Variants in SPOCK3 observed in about 807,000 individuals in gnomAD.
SPOCK3 encodes the protein SPARC (osteonectin), cwcv and kazal like domains proteoglycan 3, also known as testican-3.
A neutral mutation model predicts 56.6 loss-of-function variants in SPOCK3; 30 were observed. The observed-to-expected ratio is 0.53, with a 90% CI of 0.40 to 0.72. SPOCK3 has a LOEUF of 0.72. Ranked by LOEUF, SPOCK3 falls within the 30% of genes least tolerant of loss-of-function variation. SPOCK3 has a pLI of 0.00. For synonymous variants in SPOCK3, 196 were observed against 183.3 expected (o/e 1.07, Z -0.56); for missense variants, 527 against 530.0 (o/e 0.99, Z 0.06).
At chr4:166,767,914 TG>T (rs1257831831) in intron 7 of SPOCK3, among the ~76,000 whole-genome samples, 2 of 152,346 alleles carry the variant, frequency 1.3e-5, no homozygotes, top group African/African-American at 4.8e-5. Context: ...TAGCTCTTTT[TG>T]TTGAATTGAT....
chr4:167,148,696 A>T (rs1233366405), intron 2 of SPOCK3, among the ~76,000 whole-genome samples: 1 of 152,150 alleles, frequency 6.6e-6, no homozygotes, highest in African/African-American at 2.4e-5. Context: ...CCTTAGGGAC[A>T]TATGCAATTT....
intron 6 of SPOCK3, among the ~76,000 whole-genome samples, chr4:166,827,244 G>C (rs1745573376): frequency 6.6e-6 from 1 of 151,996 alleles, no homozygotes; most frequent in Non-Finnish European, 1.5e-5. Context: ...AGTTTTCCTT[G>C]AATACTCAAT....
chr4:167,071,764 T>C (rs536082355), intron 2 of SPOCK3, among the ~76,000 whole-genome samples: 181 of 152,158 alleles, frequency 1.2e-3, no homozygotes, highest in African/African-American at 4.3e-3. Flanking sequence ...GGTCAAATGG[T>C]ATTTCTAGTT....
intron 2 of SPOCK3, among the ~76,000 whole-genome samples, chr4:167,210,737 C>T (rs1397985747): frequency 6.6e-6 from 1 of 152,040 alleles, no homozygotes; most frequent in Admixed American, 6.6e-5. Flanking sequence ...CCTGAAAAAA[C>T]AAATATCATT....
rs576006866 is a variant in SPOCK3 at position 166,935,204 on chromosome 4, C to T, written c.351-22461G>A. Among the ~76,000 whole-genome samples, 37 of 152,192 alleles carry T rather than the reference C, an allele frequency of 2.4e-4. No individual in the cohort carries two copies. In the East Asian group the frequency reaches 6.0e-3, roughly 25 times the overall value. ...ATGCCAAGAACAGGCCCTGACTGTT[C>T]CTTATCCCAACTGTTTCCTGGGGTT... On this transcript the variant is annotated intron_variant, in intron 4 of 10. Coordinates refer to ENST00000357545, the MANE Select transcript of SPOCK3 (RefSeq NM_001040159.2).
intron 4 of SPOCK3, among the ~76,000 whole-genome samples, chr4:166,947,508 C>T (rs1206174898): frequency 6.6e-6 from 1 of 151,924 alleles, no homozygotes; most frequent in East Asian, 1.9e-4. Flanking sequence ...AATAATTTTC[C>T]TAAGGAAACA....
At chr4:166,907,776 T>C (rs1202834024) in intron 5 of SPOCK3, among the ~76,000 whole-genome samples, 1 of 152,126 alleles carries the variant, frequency 6.6e-6, no homozygotes, top group Non-Finnish European at 1.5e-5. Flanking sequence ...AATTTTATGA[T>C]AAATTTCATT....
chr4:166,918,214 A>C (rs1223006037), intron 4 of SPOCK3: 1 of 152,194 alleles, frequency 6.6e-6, no homozygotes, highest in Non-Finnish European at 1.5e-5. Context: ...TTTCAGTGTG[A>C]GAAAATTATA....
intron 2 of SPOCK3, among the ~76,000 whole-genome samples, chr4:167,103,515 A>T (rs1269042711): frequency 6.6e-6 from 1 of 152,132 alleles, no homozygotes; most frequent in African/African-American, 2.4e-5. Flanking sequence ...CATGGAAGGG[A>T]CAGGGAAGAG....
At chr4:167,158,875 G>GT (rs1179382409) in intron 2 of SPOCK3, among the ~76,000 whole-genome samples, 2 of 151,854 alleles carry the variant, frequency 1.3e-5, no homozygotes, top group South Asian at 4.1e-4. Flanking sequence ...TTTATTGTCT[G>GT]TTTTTTCCAT....
intron 2 of SPOCK3, among the ~76,000 whole-genome samples, chr4:167,218,645 G>A (rs1735598455): frequency 6.6e-6 from 1 of 151,906 alleles, no homozygotes; most frequent in Non-Finnish European, 1.5e-5. Context: ...AAACAAATGT[G>A]GGATATTTTT....
intron 2 of SPOCK3, among the ~76,000 whole-genome samples, chr4:167,091,447 T>C (rs908707698): frequency 3.3e-5 from 5 of 152,164 alleles, no homozygotes; most frequent in African/African-American, 1.2e-4. Context: ...ATTTCCTCAT[T>C]TGCAAATGGT....
intron 4 of SPOCK3, among the ~76,000 whole-genome samples, chr4:166,925,119 G>A (rs550272611): frequency 3.9e-5 from 6 of 152,218 alleles, no homozygotes; most frequent in African/African-American, 1.4e-4. Context: ...AATTCTACAA[G>A]CATGCTTATA....
intron 4 of SPOCK3, among the ~76,000 whole-genome samples, chr4:166,922,321 G>A (rs1738589227): frequency 6.6e-6 from 1 of 152,172 alleles, no homozygotes; most frequent in African/African-American, 2.4e-5. Flanking sequence ...GGACAAAAAA[G>A]TAGGAGTAGC....
chr4:166,867,629 TAC>T (rs145119566), intron 6 of SPOCK3, among the ~76,000 whole-genome samples: 22,477 of 151,516 alleles, frequency 0.15, 2,274 homozygotes, highest in South Asian at 0.25. Context: ...AATAATTAAT[TAC>T]AGGTAAATTA....
At chr4:167,072,431 T>C (rs1756770954) in intron 2 of SPOCK3, among the ~76,000 whole-genome samples, 1 of 151,928 alleles carries the variant, frequency 6.6e-6, no homozygotes, top group South Asian at 2.1e-4. Flanking sequence ...AAATATTCAG[T>C]ATCTGGTCTT....
chr4:166,775,773 G>C (rs1266012045), intron 7 of SPOCK3, among the ~76,000 whole-genome samples: 2 of 152,106 alleles, frequency 1.3e-5, no homozygotes, highest in Non-Finnish European at 1.5e-5. Flanking sequence ...GGCAATGCTT[G>C]GCAAATAGTA....
intron 2 of SPOCK3, among the ~76,000 whole-genome samples, chr4:167,221,518 T>C (rs1735917946): frequency 6.6e-6 from 1 of 152,206 alleles, no homozygotes; most frequent in Admixed American, 6.5e-5. Flanking sequence ...TTGAGCAGGT[T>C]GATTAAGCTT....
intron 6 of SPOCK3, among the ~76,000 whole-genome samples, chr4:166,863,384 T>A (rs1731443627): frequency 6.6e-6 from 1 of 152,048 alleles, no homozygotes; most frequent in Non-Finnish European, 1.5e-5. Context: ...TCAACGAATG[T>A]GCAAAATAAC....
Sources: gnomAD v4.1 joint callset for allele counts (sites outside exome capture counted in the v4.1 genomes callset) on GRCh38, gnomAD v4.1.1 for gene constraint, MANE v1.5 for transcripts, NCBI Gene and HGNC (gene_info 2026-07-23, HGNC 2026-07-21) for gene names.